Variants in RYR3 observed in about 807,000 individuals in gnomAD.
RYR3 encodes ryanodine receptor 3.
In RYR3, 207 loss-of-function variants were observed where a neutral mutation model predicts 584.3. That is an observed-to-expected ratio of 0.35 (90% CI 0.32 to 0.40). RYR3 has a LOEUF of 0.40. RYR3 is among the 10% of genes least tolerant of loss of function. The pLI is 1.00. For synonymous variants in RYR3, 2,416 were observed against 2,248.5 expected (o/e 1.07, Z -2.11); for missense variants, 5,616 against 6,089.2 (o/e 0.92, Z 2.59).
intron 66 of RYR3, among the ~76,000 whole-genome samples, chr15:33,787,095 G>A (rs147078746): frequency 2.0e-5 from 3 of 152,274 alleles, no homozygotes; most frequent in Admixed American, 6.5e-5. Context: ...GTGTCACAAC[G>A]TGAAGGCCAC....
At chr15:33,804,260 A>C (rs918819675) in intron 69 of RYR3, among the ~76,000 whole-genome samples, 3 of 152,236 alleles carry the variant, frequency 2.0e-5, no homozygotes, top group African/African-American at 7.2e-5. Flanking sequence ...GGTCAAAATT[A>C]CAACTTAACG....
At chr15:33,590,694 T>C (rs191251611) in intron 16 of RYR3, among the ~76,000 whole-genome samples, 151 of 151,906 alleles carry the variant, frequency 9.9e-4, no homozygotes, top group Non-Finnish European at 1.8e-3. Flanking sequence ...CATTTTCATA[T>C]AATAAGTTAG....
chr15:33,789,285 G>A (rs369977145), intron 67 of RYR3, among the ~76,000 whole-genome samples: 2 of 152,058 alleles, frequency 1.3e-5, no homozygotes, highest in Admixed American at 1.3e-4. Context: ...CAAGCCCCTG[G>A]AGATTCTGAG....
intron 19 of RYR3, among the ~76,000 whole-genome samples, chr15:33,616,817 G>T (rs1356545590): frequency 6.6e-6 from 1 of 152,226 alleles, no homozygotes; most frequent in Non-Finnish European, 1.5e-5. Flanking sequence ...TTGAAGAGAG[G>T]TGGAACCACA....
At chr15:33,411,147 G>C (rs2043377617) in intron 1 of RYR3, among the ~76,000 whole-genome samples, 1 of 152,120 alleles carries the variant, frequency 6.6e-6, no homozygotes, top group Admixed American at 6.5e-5. Context: ...CTTCTTGCTG[G>C]TGCCTACTTC....
In RYR3 at chr15:33,418,632, A is replaced by G. The variant is rs186281016; in HGVS notation, c.52-54787A>G. Among the ~76,000 whole-genome samples the G allele has an allele frequency of 2.1e-3, 319 of 152,272 alleles. 5 individuals carry two copies. The South Asian group carries it at 0.03, about 14-fold the overall frequency. Reference sequence around the variant, plus strand: ...GAGGCTAACCTATAGTGATATGTCAATAAGCAGTGACATCAAATTTGTGTT... The same window carrying G: ...GAGGCTAACCTATAGTGATATGTCAGTAAGCAGTGACATCAAATTTGTGTT... On this transcript the variant is annotated intron_variant, in intron 1 of 103. Transcript: ENST00000634891.
rs569624704 is a variant in RYR3, at chr15:33,837,784, G to A, written c.11804G>A (p.Gly3935Asp). 6.2e-7 allele frequency: 1 copy of A among 1,613,940 alleles called. No homozygotes were observed. Among genetic ancestry groups the A allele is most frequent in the Admixed American group, 1.7e-5 (1 of 60,022 alleles). Residue 3935 changes from glycine to aspartate, a missense_variant, in exon 89 of 104, where the codon GGT becomes GAT. Transcript: ENST00000634891. The stretch of plus-strand genomic sequence containing the variant: ...ACCTTCAAAGAATATGACCCAGATG[G>A]TAAAGGAATTATCTCCAAAAAAGAA... ...SDTFKEYDPD[G>D]KGIISKKEFQ...
At chr15:33,667,612 A>G (rs2063556987) in intron 36 of RYR3, among the ~76,000 whole-genome samples, 1 of 152,136 alleles carries the variant, frequency 6.6e-6, no homozygotes, top group South Asian at 2.1e-4. Flanking sequence ...TACATCACAA[A>G]TTTGATTTCT....
chr15:33,469,194 A>G (rs2048727158), intron 1 of RYR3, among the ~76,000 whole-genome samples: 1 of 152,192 alleles, frequency 6.6e-6, no homozygotes, highest in Non-Finnish European at 1.5e-5. Context: ...AACTAAGCTT[A>G]GAAGAATAGG....
intron 60 of RYR3, among the ~76,000 whole-genome samples, chr15:33,765,353 C>A (rs1363327919): frequency 1.3e-5 from 2 of 151,964 alleles, no homozygotes; most frequent in South Asian, 2.1e-4. Flanking sequence ...AGTTAGGAGG[C>A]CAGGCGCGGT....
At chr15:33,557,417 G>A (rs553834714) in intron 10 of RYR3, among the ~76,000 whole-genome samples, 3 of 152,132 alleles carry the variant, frequency 2.0e-5, no homozygotes, top group East Asian at 3.9e-4. Context: ...ACGGAGTCTC[G>A]CTCAATTGCC....
At chr15:33,845,779 A>G (rs1304147024) in intron 93 of RYR3, among the ~76,000 whole-genome samples, 1 of 152,238 alleles carries the variant, frequency 6.6e-6, no homozygotes, top group East Asian at 1.9e-4. Context: ...CCTTTTCATT[A>G]GGTGGTAACC....
chr15:33,523,428 C>T (rs1297345606), intron 3 of RYR3, among the ~76,000 whole-genome samples: 2 of 152,130 alleles, frequency 1.3e-5, no homozygotes, highest in African/African-American at 2.4e-5. Flanking sequence ...ACCAACCCAC[C>T]GGAAGGAGCA....
At chr15:33,601,082 A>C (rs1453638200) in intron 16 of RYR3, among the ~76,000 whole-genome samples, 1 of 152,080 alleles carries the variant, frequency 6.6e-6, no homozygotes, top group Non-Finnish European at 1.5e-5. Flanking sequence ...CCTAGCTAGG[A>C]TATTGTCTTA....
At chr15:33,534,762 A>G (rs2055183815) in intron 5 of RYR3, among the ~76,000 whole-genome samples, 2 of 152,222 alleles carry the variant, frequency 1.3e-5, no homozygotes, top group African/African-American at 4.8e-5. Context: ...TTTGAAAACT[A>G]CTTCGGAACA....
intron 1 of RYR3, among the ~76,000 whole-genome samples, chr15:33,456,304 G>A (rs972532330): frequency 2.0e-5 from 3 of 152,184 alleles, no homozygotes; most frequent in Non-Finnish European, 4.4e-5. Flanking sequence ...AATTGATCGC[G>A]CAGAATGCCA....
chr15:33,431,219 G>T (rs1287220010), intron 1 of RYR3, among the ~76,000 whole-genome samples: 1 of 152,116 alleles, frequency 6.6e-6, no homozygotes, highest in Non-Finnish European at 1.5e-5. Flanking sequence ...CGTAACAAAA[G>T]CAAAAGTACT....
In RYR3 at chr15:33,311,741, G is replaced by A. The variant is rs1411244470; in HGVS notation, c.51+645G>A. On this transcript the variant is annotated intron_variant, in intron 1 of 103. Coordinates refer to ENST00000634891, the MANE Select transcript of RYR3 (RefSeq NM_001036.6). This position sits in a 1 kb window ranked among gnomAD's most constrained non-coding sequence, Gnocchi z 4.4. ...GCCTGTCGTGTGTTCGAGAGCTGTG[G>A]CTTCTGCTCCTGGCTCCCGCGAGCC... Among the ~76,000 whole-genome samples the A allele has an allele frequency of 1.3e-5, 2 of 152,248 alleles. No individual in the cohort carries two copies. Among genetic ancestry groups the A allele is most frequent in the Non-Finnish European group, 2.9e-5 (2 of 68,056 alleles).
chr15:33,448,466 T>C (rs1175931391), intron 1 of RYR3, among the ~76,000 whole-genome samples: 1 of 152,256 alleles, frequency 6.6e-6, no homozygotes, highest in African/African-American at 2.4e-5. Context: ...GGGAGACTAT[T>C]GTAGACCTCT....
Sources: gnomAD v4.1 joint callset for allele counts (sites outside exome capture counted in the v4.1 genomes callset) on GRCh38, gnomAD v4.1.1 for gene constraint, Gnocchi (gnomAD v3.1) non-coding constraint, MANE v1.5 for transcripts, NCBI Gene and HGNC (gene_info 2026-07-23, HGNC 2026-07-21) for gene names.